MUC5B: variants seen among roughly 807,000 people sequenced by gnomAD.
MUC5B encodes mucin-5B.
Under a neutral mutation model 376.9 loss-of-function variants are expected in MUC5B, and 116 were observed. The ratio of observed to expected loss-of-function variants is 0.31; its 90% confidence interval spans 0.26 to 0.36. The LOEUF is 0.36. Among genes scored for constraint, MUC5B ranks in the 10% least tolerant of loss-of-function variants. MUC5B has a pLI of 1.00. For missense variants in MUC5B, 7,165 were observed against 7,769.9 expected (o/e 0.92, Z 2.93); for synonymous variants, 3,517 against 3,390.9 (o/e 1.04, Z -1.29).
chr11:1,229,322 CAG>C, intron 9 of MUC5B, 27 bp downstream of exon 9: 2 of 1,522,956 alleles, frequency 1.3e-6, no homozygotes, highest in Non-Finnish European at 1.8e-6. Context: ...CTGAACCCCT[CAG>C]GGGGCTTTCA....
In MUC5B at chr11:1,249,624, G is replaced by T. The variant is rs758805650; in HGVS notation, c.12744G>T (p.Trp4248Cys). ...CCTCCTCCACTCCGGGGACGACCTG[G>T]ATCCTCACAGAGCTGACCACAACAG... The part of the protein sequence containing the change: ...AMPSSTPGTT[W>C]ILTELTTTAT... Residue 4248 changes from tryptophan (W) to cysteine (C), a missense_variant, in exon 31 of 49, where the codon TGG becomes TGT. Coordinates refer to ENST00000529681, the MANE Select transcript of MUC5B (RefSeq NM_002458.3). 1.2e-6 allele frequency: 2 copies of T among 1,611,138 alleles called. No individual in the cohort carries two copies. The highest frequency in any genetic ancestry group is 1.3e-5 in the African/African-American group (1 of 74,524).
In MUC5B at chr11:1,259,983, C is replaced by T. The variant is rs1590194143; in HGVS notation, c.16821C>T (p.Asn5607=). The T allele has an allele frequency of 2.5e-6, 4 of 1,612,964 alleles. No individual in the cohort carries two copies. Among genetic ancestry groups the T allele is most frequent in the Middle Eastern group, 1.7e-4 (1 of 6,058 alleles). ...QPVQLNETWV[N]SHVDNCTVYL... is the part of the protein sequence containing the mutation. ...TTCAGCTGAATGAAACCTGGGTCAA[C>T]AGCCATGTGGACAACTGCACCGTGT... The change falls in exon 46 of 49, where the codon AAC becomes AAT. Residue 5607 remains asparagine, a synonymous_variant. Transcript: ENST00000529681.
At chr11:1,230,706 C>T in intron 12 of MUC5B, 106 bp downstream of exon 12, 1 of 1,078,736 alleles carries the variant, frequency 9.3e-7, no homozygotes. Context: ...CCAGGTCCCC[C>T]CTCCAGCCCC....
rs779546071 is a variant in MUC5B, at chr11:1,255,095, C to T, written c.15719C>T (p.Ala5240Val). The T allele has an allele frequency of 1.3e-5, 21 of 1,593,070 alleles. No individual in the cohort carries two copies. Among genetic ancestry groups the T allele is most frequent in the Admixed American group, 1.7e-5 (1 of 57,548 alleles). ...DDCLQRDGTT[A>V]ASCKDMAKTW... Reference sequence around the variant, plus strand: ...TGTCTCCAGCGGGACGGAACCACTGCCGCCAGTTGCAAGGACATGGCCAAG... The same window carrying T: ...TGTCTCCAGCGGGACGGAACCACTGTCGCCAGTTGCAAGGACATGGCCAAG... Residue 5240 changes from alanine (A) to valine (V), a missense_variant, in exon 36 of 49, where the codon GCC becomes GTC. Ala to Val is a moderately conservative substitution (Grantham distance 64). Around this residue, in one of 31 missense-constraint regions of MUC5B, gnomAD observed 842 missense variants for 1,016.9 expected, o/e 0.83. Transcript: ENST00000529681.
intron 25 of MUC5B, among the ~76,000 whole-genome samples, chr11:1,237,715 C>T (rs1862189025): frequency 6.6e-6 from 1 of 152,054 alleles, no homozygotes. Context: ...ACAAAAAATA[C>T]AAAAATAGCC....
At chr11:1,229,033 G>A (rs1004850952) in intron 8 of MUC5B, 137 bp from the exon 9 acceptor site, 15 of 1,116,870 alleles carry the variant, frequency 1.3e-5, no homozygotes, top group Admixed American at 3.0e-5. Context: ...GATGAGGGGC[G>A]TCAGGGCCAC....
chr11:1,233,650 AAC>A, intron 18 of MUC5B, 141 bp from the exon 19 acceptor site: 1 of 789,286 alleles, frequency 1.3e-6, no homozygotes, highest in Admixed American at 2.2e-5. Context: ...GCTCCCAGCA[AAC>A]ACAGCAGCAG....
Position 1,229,198 on chromosome 11 carries a change from C to T in MUC5B, c.1005C>T (p.His335=). ...CPRTCPLNMQ[H]QECGSPCTDT... is the part of the protein sequence containing the mutation. ...GGACCTGCCCCCTCAACATGCAGCA[C>T]CAGGAGTGTGGCTCACCCTGCACGG... Residue 335 remains histidine, a synonymous_variant, in exon 9 of 49, where the codon CAC becomes CAT. Transcript: ENST00000529681. 1 of 1,599,652 alleles carries T rather than the reference C, an allele frequency of 6.3e-7. No individual in the cohort carries two copies. Among genetic ancestry groups the T allele is most frequent in the Non-Finnish European group, 8.5e-7 (1 of 1,176,638 alleles).
Position 1,237,117 on chromosome 11 carries a change from C to G in MUC5B, c.3250C>G (p.Gln1084Glu). The change falls in exon 25 of 49, where the codon CAG becomes GAG. Residue 1084 changes from glutamine to glutamate, a missense_variant. Transcript: ENST00000529681. ...CTTCCGCAAGTCCTGGGCCCAGAAG[C>G]AGTGCAGCATCCTCCACGGCCCCAC... ...NPFRKSWAQK[Q>E]CSILHGPTFA... 6.5e-7 allele frequency: 1 copy of G among 1,537,974 alleles called. No individual in the cohort carries two copies. Among genetic ancestry groups the G allele is most frequent in the Non-Finnish European group, 8.8e-7 (1 of 1,139,394 alleles).
intron 1 of MUC5B, among the ~76,000 whole-genome samples, chr11:1,224,468 G>C (rs1022795156): frequency 6.6e-6 from 1 of 150,514 alleles, no homozygotes; most frequent in Non-Finnish European, 1.5e-5. Flanking sequence ...GGGGCTGCCT[G>C]GGGGGGAGGG....
intron 47 of MUC5B, 56 bp downstream of exon 47, chr11:1,260,449 A>G (rs1862968964): frequency 6.3e-7 from 1 of 1,592,510 alleles, no homozygotes; most frequent in Admixed American, 1.7e-5. Context: ...GTCGCCACCC[A>G]TCCATTCCTG....
intron 23 of MUC5B, 175 bp downstream of exon 23, chr11:1,235,588 G>T: frequency 1.6e-6 from 1 of 625,198 alleles, no homozygotes; most frequent in South Asian, 1.8e-5. Flanking sequence ...TGCATTCTCA[G>T]TCCTGGAGCC....
chr11:1,227,573 G>A, intron 6 of MUC5B, 102 bp from the exon 7 acceptor site: 1 of 676,004 alleles, frequency 1.5e-6, no homozygotes, highest in South Asian at 1.7e-5. Context: ...TGGGCCCTAG[G>A]CAGGAGTGGG....
At chr11:1,232,226 C>A (rs554089794) in intron 15 of MUC5B, 66 bp downstream of exon 15, 1 of 1,495,102 alleles carries the variant, frequency 6.7e-7, no homozygotes, top group African/African-American at 1.4e-5. Flanking sequence ...TTCCTGTCCC[C>A]TGGGCCACGG....
Position 1,228,604 on chromosome 11 carries a change from C to G in MUC5B, c.815C>G (p.Ala272Gly), listed in dbSNP as rs560329506. ...CHRTLLGPAFAECHALVDSTA... is the reference protein window; with the variant it reads ...CHRTLLGPAFGECHALVDSTA... ...CGCACCCTGCTGGGGCCGGCCTTTGCGGAGTGCCACGCACTGGTGGACAGC... is the reference window on the plus strand; with the variant it reads ...CGCACCCTGCTGGGGCCGGCCTTTGGGGAGTGCCACGCACTGGTGGACAGC... The change falls in exon 8 of 49, where the codon GCG (alanine) becomes GGG (glycine). Residue 272 changes from alanine to glycine, a missense_variant. Coordinates refer to ENST00000529681, the MANE Select transcript of MUC5B (RefSeq NM_002458.3). The G allele has an allele frequency of 3.3e-6, 5 of 1,531,350 alleles. No homozygotes were observed. Among genetic ancestry groups the G allele is most frequent in the Non-Finnish European group, 4.4e-6 (5 of 1,144,382 alleles). 94.9% of individuals were successfully genotyped at this position (1,531,350 alleles called of 1,614,324 possible).
intron 2 of MUC5B, 147 bp downstream of exon 2, chr11:1,225,884 C>A: frequency 1.3e-6 from 1 of 770,478 alleles, no homozygotes; most frequent in Non-Finnish European, 2.1e-6. Context: ...TACCCAGCAC[C>A]CGAGGCGGAG....
chr11:1,237,190 G>C, intron 25 of MUC5B, 26 bp downstream of exon 25: 1 of 1,390,128 alleles, frequency 7.2e-7, no homozygotes, highest in East Asian at 2.8e-5. Context: ...TGGCAGGCAG[G>C]GTCTGGTGGG....
Position 1,258,232 on chromosome 11 carries a change from G to A in MUC5B, c.16555+29G>A. On this transcript the variant is annotated intron_variant, in intron 42 of 48. Transcript: ENST00000529681. The surrounding 1 kb of genome is among the most constrained non-coding windows in gnomAD (Gnocchi z 5.5). ...AGCGGGGCTGGGGCCGGGCTCCTGG[G>A]TGGCCTCTTGCTGGGGGTGGGGGAG... The A allele has an allele frequency of 6.4e-7, 1 of 1,573,004 alleles. No homozygotes were observed. The highest frequency in any genetic ancestry group is 8.6e-7 in the Non-Finnish European group (1 of 1,159,572).
Position 1,246,171 on chromosome 11 carries a change from C to G in MUC5B, c.9291C>G (p.Ser3097=). 1.2e-6 allele frequency: 2 copies of G among 1,613,168 alleles called. No homozygotes were observed. The highest frequency in any genetic ancestry group is 1.7e-6 in the Non-Finnish European group (2 of 1,179,674). Residue 3097 remains serine (S), a synonymous_variant, in exon 31 of 49, where the codon TCC becomes TCG. Coordinates refer to ENST00000529681, the MANE Select transcript of MUC5B (RefSeq NM_002458.3). The part of the protein sequence containing the change: ...PMATMSTIHP[S]STPETTHTST... ...CCACCATGTCCACAATCCACCCCTC[C>G]TCCACTCCGGAGACCACCCACACCT...
Sources: gnomAD v4.1 joint callset for allele counts (sites outside exome capture counted in the v4.1 genomes callset) on GRCh38, gnomAD v4.1.1 for gene constraint, gnomAD v4.1.1 regional missense constraint, Gnocchi (gnomAD v3.1) non-coding constraint, MANE v1.5 for transcripts, NCBI Gene and HGNC (gene_info 2026-07-23, HGNC 2026-07-21) for gene names.